The following RDH10 variants were observed in gnomAD, a reference collection of about 807,000 sequenced individuals.
RDH10 encodes retinol dehydrogenase 10.
A neutral mutation model predicts 30.2 loss-of-function variants in RDH10; 12 were observed. That is an observed-to-expected ratio of 0.40 (90% CI 0.25 to 0.64). RDH10 has a LOEUF of 0.64. Among genes scored for constraint, RDH10 ranks in the 30% least tolerant of loss-of-function variants. The pLI, the probability that RDH10 is intolerant of heterozygous loss-of-function variation, is 0.43. For missense variants in RDH10, 268 were observed against 445.2 expected (o/e 0.60, Z 3.58); for synonymous variants, 189 against 172.2 (o/e 1.10, Z -0.76).
intron 1 of RDH10, 122 bp downstream of exon 1, chr8:73,295,700 C>A: frequency 9.2e-7 from 1 of 1,082,724 alleles, no homozygotes; most frequent in South Asian, 1.7e-5. Context: ...GAACACCCCA[C>A]CGGTCTTTTG....
intron 2 of RDH10, among the ~76,000 whole-genome samples, chr8:73,316,416 A>AG (rs1459726379): frequency 6.6e-6 from 1 of 152,346 alleles, no homozygotes; most frequent in East Asian, 1.9e-4. Flanking sequence ...TAGAGCCTAA[A>AG]GTTGAACCCA....
At position 73,295,545 on chromosome 8, in the gene RDH10, G is replaced by C; in HGVS notation, c.256G>C (p.Asp86His). Residue 86 changes from aspartate to histidine, a missense_variant, in exon 1 of 6, where the codon GAC becomes CAC. Around this residue, in one of 4 missense-constraint regions of RDH10, gnomAD observed 46 missense variants for 36.7 expected, o/e 1.25. Transcript: ENST00000240285. Reference sequence around the variant, plus strand: ...TGGCATGGTGCGCCACATCTACCGCGACCTGGAGGCGGCCGACGCCGCTGC... The same window carrying C: ...TGGCATGGTGCGCCACATCTACCGCCACCTGGAGGCGGCCGACGCCGCTGC... ...TAGMVRHIYR[D>H]LEAADAAALQ... 1 of 1,545,262 alleles carries C rather than the reference G, an allele frequency of 6.5e-7. No homozygotes were observed. Among genetic ancestry groups the C allele is most frequent in the Non-Finnish European group, 8.7e-7 (1 of 1,146,902 alleles).
At chr8:73,321,970 G>A (rs1483631291) in intron 4 of RDH10, 1 of 456,296 alleles carries the variant, frequency 2.2e-6, no homozygotes, top group Admixed American at 2.3e-5. Context: ...ACATGTGTGT[G>A]TGTTGGTGGT....
Position 73,324,684 on chromosome 8 carries a change from C to A in RDH10, c.*1648C>A, listed in dbSNP as rs1385883299. 1.3e-5 allele frequency: 2 copies of A among 151,990 alleles called. No homozygotes were observed. The highest frequency in any genetic ancestry group is 2.9e-5 in the Non-Finnish European group (2 of 67,996). 9.4% of individuals were successfully genotyped at this position (151,990 alleles called of 1,614,324 possible). The stretch of plus-strand genomic sequence containing the variant: ...ATTGGAATGGAATAGTGTTGGGAAA[C>A]AGACATTAACAACCTAGGGTGCCTG... On this transcript the variant is annotated 3_prime_UTR_variant, in exon 6 of 6. Coordinates refer to ENST00000240285, the MANE Select transcript of RDH10 (RefSeq NM_172037.5).
At position 73,315,158 on chromosome 8, in the gene RDH10, CT is replaced by C. The variant is rs1814637759; in HGVS notation, c.526-3937del. 8.3e-5 allele frequency among the ~76,000 whole-genome samples: 10 copies of C among 120,948 alleles called. 1 individual carries two copies. The highest frequency in any genetic ancestry group is 1.1e-4 in the Non-Finnish European group (6 of 55,634). The allele number at this position is 120,948 out of a possible 152,430, so 79.3% of individuals were successfully genotyped here. A position where few individuals can be genotyped will look rare whatever the true frequency, so the allele number is the denominator to read the frequency against. ...CCCCACCGGCCTCCTCTCTCTCTCT[CT>C]CCCCCCACCGGCCTCCTCTCTCTCT... On this transcript the variant is annotated intron_variant, in intron 2 of 5. Coordinates refer to ENST00000240285, the MANE Select transcript of RDH10 (RefSeq NM_172037.5).
intron 2 of RDH10, among the ~76,000 whole-genome samples, chr8:73,299,098 A>G (rs4738317): frequency 0.79 from 120,297 of 152,198 alleles, 47,610 homozygotes; most frequent in South Asian, 0.92. Flanking sequence ...ACAGGTGTAA[A>G]CCACTGCACC....
chr8:73,317,587 G>A (rs1456093020), intron 2 of RDH10, among the ~76,000 whole-genome samples: 1 of 152,102 alleles, frequency 6.6e-6, no homozygotes, highest in Non-Finnish European at 1.5e-5. Flanking sequence ...TCAGAATTAA[G>A]GGAATTGCTG....
intron 2 of RDH10, among the ~76,000 whole-genome samples, chr8:73,301,204 C>T (rs576207143): frequency 6.6e-6 from 1 of 150,600 alleles, no homozygotes; most frequent in East Asian, 2.0e-4. Context: ...GCGCCCGCTA[C>T]CACGCCTGGC....
rs888422439 is a variant in RDH10, at chr8:73,295,228, T to G, written c.-62T>G. 7.0e-7 allele frequency: 1 copy of G among 1,423,164 alleles called. No homozygotes were observed. The allele number at this position is 1,423,164 out of a possible 1,614,324, so 88.2% of individuals were successfully genotyped here. A position where few individuals can be genotyped will look rare whatever the true frequency, so the allele number is the denominator to read the frequency against. ...AGCGCCCCGGAGCCGGGAGCCCGAT[T>G]GCCGGGCTCGGGGTGGGCGCGGACG... On this transcript the variant is annotated 5_prime_UTR_variant, in exon 1 of 6. It adds an upstream start codon to the 5' untranslated region. Transcript: ENST00000240285.
At chr8:73,306,968 T>A (rs941370952) in intron 2 of RDH10, among the ~76,000 whole-genome samples, 1 of 152,222 alleles carries the variant, frequency 6.6e-6, no homozygotes, top group South Asian at 2.1e-4. Flanking sequence ...CCACCTTAAG[T>A]TGTAATTAAC....
chr8:73,320,559 C>T (rs764763680), intron 3 of RDH10, among the ~76,000 whole-genome samples: 3 of 151,844 alleles, frequency 2.0e-5, no homozygotes, highest in Non-Finnish European at 4.4e-5. Flanking sequence ...CAACCTCCAC[C>T]TCCCAGGTTC....
chr8:73,320,875 TG>T, intron 3 of RDH10, 56 bp from the exon 4 acceptor site: 1 of 1,567,642 alleles, frequency 6.4e-7, no homozygotes, highest in African/African-American at 1.4e-5. Flanking sequence ...AGCTTTAGTT[TG>T]GTTGGAGATA....
intron 2 of RDH10, among the ~76,000 whole-genome samples, chr8:73,305,513 T>C (rs1814451306): frequency 6.6e-6 from 1 of 152,204 alleles, no homozygotes; most frequent in Admixed American, 6.5e-5. Flanking sequence ...TATTTGCATG[T>C]GTCTAATCCA....
chr8:73,305,535 A>G (rs1284622624), intron 2 of RDH10, among the ~76,000 whole-genome samples: 4 of 152,188 alleles, frequency 2.6e-5, no homozygotes, highest in African/African-American at 9.7e-5. Flanking sequence ...ATGTCTGCCT[A>G]TATGGATAAA....
chr8:73,315,258 C>A (rs1452246852), intron 2 of RDH10, among the ~76,000 whole-genome samples: 2 of 143,444 alleles, frequency 1.4e-5, no homozygotes, highest in Non-Finnish European at 3.0e-5. Flanking sequence ...CCCCCACCGG[C>A]CTCCTCTCTC....
In RDH10 at chr8:73,295,436, C is replaced by T; in HGVS notation, c.147C>T (p.Gly49=). ...CLITGAGSGL[G]RLFALEFARR... Reference sequence around the variant, plus strand: ...TCACCGGCGCCGGCAGCGGCCTGGGCCGCCTCTTCGCGCTGGAGTTCGCCC... The same window carrying T: ...TCACCGGCGCCGGCAGCGGCCTGGGTCGCCTCTTCGCGCTGGAGTTCGCCC... Residue 49 remains glycine (G), a synonymous_variant, in exon 1 of 6, where the codon GGC becomes GGT. Transcript: ENST00000240285. 1 of 1,549,396 alleles carries T rather than the reference C, an allele frequency of 6.5e-7. No individual in the cohort carries two copies. Among genetic ancestry groups the T allele is most frequent in the Non-Finnish European group, 8.7e-7 (1 of 1,148,314 alleles).
chr8:73,305,469 AAAATT>A (rs1233420780), intron 2 of RDH10, among the ~76,000 whole-genome samples: 1 of 152,240 alleles, frequency 6.6e-6, no homozygotes, highest in African/African-American at 2.4e-5. Flanking sequence ...TTCAGAAACT[AAAATT>A]AAGCCTCTTT....
chr8:73,295,271 C>CG lies in RDH10; in HGVS notation c.-15dup, dbSNP rs1029480205. ...CGCGGACGCAGGCACTGGGCTCGTG[C>CG]GGGGCCCCGGGCGTCGCGATGAACA... On this transcript the variant is annotated 5_prime_UTR_variant, in exon 1 of 6. Coordinates refer to ENST00000240285, the MANE Select transcript of RDH10 (RefSeq NM_172037.5). 4 of 1,543,228 alleles carry CG rather than the reference C, an allele frequency of 2.6e-6. No individual in the cohort carries two copies. The highest frequency in any genetic ancestry group is 3.5e-6 in the Non-Finnish European group (4 of 1,148,578).
At chr8:73,315,137 ACCGGCCTCCTCTCTCTCTCTCTCCCCC>A (rs1814636669) in intron 2 of RDH10, among the ~76,000 whole-genome samples, 1 of 78,416 alleles carries the variant, frequency 1.3e-5, no homozygotes, top group Admixed American at 1.6e-4. Flanking sequence ...TCCTCTCCCC[ACCGGCCTCCTCTCTCTCTCTCTCCCCC>A]CACCGGCCTC....
Sources: gnomAD v4.1 joint callset for allele counts (sites outside exome capture counted in the v4.1 genomes callset) on GRCh38, gnomAD v4.1.1 for gene constraint, gnomAD v4.1.1 regional missense constraint, MANE v1.5 for transcripts, NCBI Gene and HGNC (gene_info 2026-07-23, HGNC 2026-07-21) for gene names.